The following FAM204A variants were observed in gnomAD, a reference collection of about 807,000 sequenced individuals.
FAM204A encodes protein FAM204A.
In FAM204A, 16 loss-of-function variants were observed where a neutral mutation model predicts 35.4. That is an observed-to-expected ratio of 0.45 (90% CI 0.31 to 0.69). FAM204A has a LOEUF of 0.69. Ranked by LOEUF, FAM204A falls within the 30% of genes least tolerant of loss-of-function variation. The pLI is 0.07. For synonymous variants in FAM204A, 76 were observed against 86.9 expected (o/e 0.88, Z 0.70); for missense variants, 240 against 265.7 (o/e 0.90, Z 0.67).
intron 6 of FAM204A, among the ~76,000 whole-genome samples, chr10:118,327,652 A>G (rs1029386123): frequency 1.3e-5 from 2 of 152,240 alleles, no homozygotes; most frequent in Non-Finnish European, 2.9e-5. Context: ...GATGCACTTC[A>G]GAAATCTATA....
At chr10:118,332,621 A>C (rs1391196519) in intron 6 of FAM204A, among the ~76,000 whole-genome samples, 2 of 152,110 alleles carry the variant, frequency 1.3e-5, no homozygotes, top group African/African-American at 4.8e-5. Flanking sequence ...AGAACCATGT[A>C]AGAGTCTGTT....
chr10:118,331,247 A>G (rs1264240424), intron 6 of FAM204A, among the ~76,000 whole-genome samples: 5 of 152,166 alleles, frequency 3.3e-5, no homozygotes, highest in Non-Finnish European at 7.3e-5. Context: ...TATTTGACTT[A>G]TCTAGAATGT....
At chr10:118,334,251 C>T (rs1052518189) in intron 6 of FAM204A, among the ~76,000 whole-genome samples, 1 of 152,110 alleles carries the variant, frequency 6.6e-6, no homozygotes, top group Non-Finnish European at 1.5e-5. Flanking sequence ...CCTTTCCCTT[C>T]CCCAAATTTC....
intron 6 of FAM204A, among the ~76,000 whole-genome samples, chr10:118,332,173 G>GAAAAAAAAAAAAA (rs59564428): frequency 0.58 from 30,999 of 53,706 alleles, 12,781 homozygotes; most frequent in Middle Eastern, 0.75. Context: ...CTCTGTTTCA[G>GAAAAAAAAAAAAA]AAAAAAAAAA....
At chr10:118,324,690 G>A (rs546974543) in intron 7 of FAM204A, among the ~76,000 whole-genome samples, 1 of 152,244 alleles carries the variant, frequency 6.6e-6, no homozygotes, top group East Asian at 1.9e-4. Flanking sequence ...GTGGAGGGGA[G>A]AATGGGTACA....
chr10:118,328,224 A>T (rs190332132), intron 6 of FAM204A, among the ~76,000 whole-genome samples: 1 of 152,128 alleles, frequency 6.6e-6, no homozygotes, highest in African/African-American at 2.4e-5. Flanking sequence ...CTTTCTACCT[A>T]ATTCATCTGC....
intron 7 of FAM204A, 148 bp downstream of exon 7, chr10:118,326,006 A>G (rs970888183): frequency 1.6e-6 from 1 of 607,318 alleles, no homozygotes; most frequent in African/African-American, 1.9e-5. Flanking sequence ...TTCAAAATAA[A>G]TGACAGAATA....
In FAM204A at chr10:118,335,096, C is replaced by A. The variant is rs1278890809; in HGVS notation, c.453+18G>T. The A allele has an allele frequency of 1.3e-6, 2 of 1,545,894 alleles. No homozygotes were observed. Among genetic ancestry groups the A allele is most frequent in the Non-Finnish European group, 8.9e-7 (1 of 1,120,056 alleles). ...ATATCCTACTAGCTGGTATAAGATG[C>A]AATAACAAAGATATTACCTTCTCAA... On this transcript the variant is annotated intron_variant, in intron 6 of 8. Coordinates refer to ENST00000369183, the MANE Select transcript of FAM204A (RefSeq NM_022063.3).
Position 118,335,189 on chromosome 10 carries a change from C to G in FAM204A, c.378G>C (p.Gln126His), listed in dbSNP as rs763990735. The G allele has an allele frequency of 6.2e-7, 1 of 1,613,464 alleles. No homozygotes were observed. ...LHSEPSSNETQWKELTQYFGV... is the reference protein window; with the variant it reads ...LHSEPSSNETHWKELTQYFGV... The stretch of plus-strand genomic sequence containing the variant: ...CAAAATACTGAGTAAGCTCTTTCCA[C>G]TGGGTTTCATTTGAGGACGGTTCAC... Residue 126 changes from glutamine to histidine, a missense_variant, in exon 6 of 9, where the codon CAG (glutamine) becomes CAC (histidine). Coordinates refer to ENST00000369183, the MANE Select transcript of FAM204A (RefSeq NM_022063.3).
chr10:118,313,550 T>C (rs924268972), intron 7 of FAM204A, among the ~76,000 whole-genome samples: 1 of 152,210 alleles, frequency 6.6e-6, no homozygotes, highest in African/African-American at 2.4e-5. Context: ...CATAGCTGGC[T>C]ACTTGTGTTT....
chr10:118,338,772 G>C (rs1054845410), intron 2 of FAM204A, among the ~76,000 whole-genome samples: 2 of 152,170 alleles, frequency 1.3e-5, no homozygotes, highest in Non-Finnish European at 2.9e-5. Flanking sequence ...CACTGTTTTA[G>C]CATCTCTGCA....
chr10:118,340,371 A>C (rs1051823938), intron 2 of FAM204A, among the ~76,000 whole-genome samples: 2 of 152,228 alleles, frequency 1.3e-5, no homozygotes, highest in Admixed American at 1.3e-4. Flanking sequence ...AATTAGGAGA[A>C]AGCCACTGCA....
intron 3 of FAM204A, 138 bp downstream of exon 3, chr10:118,336,044 G>C (rs1589730867): frequency 2.0e-6 from 2 of 983,132 alleles, no homozygotes; most frequent in Non-Finnish European, 2.9e-6. Flanking sequence ...ATGCCTCAGA[G>C]AACAGTAAAA....
chr10:118,321,681 A>G (rs920186878), intron 7 of FAM204A, among the ~76,000 whole-genome samples: 3 of 144,880 alleles, frequency 2.1e-5, no homozygotes, highest in Non-Finnish European at 4.5e-5. Flanking sequence ...ACATCTAGTC[A>G]GTATCATACA....
intron 6 of FAM204A, among the ~76,000 whole-genome samples, 154 bp downstream of exon 6, chr10:118,334,960 A>G (rs1407734395): frequency 6.6e-6 from 1 of 152,206 alleles, no homozygotes; most frequent in Non-Finnish European, 1.5e-5. Flanking sequence ...TTTTTTAATA[A>G]TTTGTAACTA....
chr10:118,305,657 T>C lies in FAM204A; in HGVS notation c.*5200A>G, dbSNP rs188585475. ...TATTCAGCAAAGAAAAACTCACTGA[T>C]TTTCTAATAGCCCGCCTGAAAATGG... is the stretch of plus-strand genomic sequence containing the variant. On this transcript the variant is annotated 3_prime_UTR_variant, in exon 9 of 9. Coordinates refer to ENST00000369183, the MANE Select transcript of FAM204A (RefSeq NM_022063.3). The C allele has an allele frequency of 1.3e-5, 2 of 152,372 alleles. No homozygotes were observed. The allele number at this position is 152,372 out of a possible 1,614,324, so 9.4% of individuals were successfully genotyped here. A position where few individuals can be genotyped will look rare whatever the true frequency, so the allele number is the denominator to read the frequency against.
chr10:118,319,158 T>A (rs1432734171), intron 7 of FAM204A, among the ~76,000 whole-genome samples: 1 of 152,034 alleles, frequency 6.6e-6, no homozygotes, highest in Admixed American at 6.6e-5. Context: ...CAGATGTTAA[T>A]ATAAAACGAA....
At position 118,298,495 on chromosome 10, in the gene FAM204A, T is replaced by A. The variant is rs995173721; in HGVS notation, c.*12362A>T. 1 of 152,232 alleles carries A rather than the reference T, an allele frequency of 6.6e-6. No individual in the cohort carries two copies. Among genetic ancestry groups the A allele is most frequent in the East Asian group, 1.9e-4 (1 of 5,200 alleles). 9.4% of individuals were successfully genotyped at this position (152,232 alleles called of 1,614,324 possible). ...CTTGCATAAACAGGTGTTATTTCCA[T>A]GTACTTTTGCTCAGGTTCTTTGGAT... On this transcript the variant is annotated 3_prime_UTR_variant, in exon 9 of 9. Transcript: ENST00000369183.
At position 118,303,739 on chromosome 10, in the gene FAM204A, G is replaced by C. The variant is rs548491179; in HGVS notation, c.*7118C>G. On this transcript the variant is annotated 3_prime_UTR_variant, in exon 9 of 9. Transcript: ENST00000369183. ...AGGCAGGAGAATTGCTTGAACCTGG[G>C]AAGCAGAGGTTGAAGTGAGCTGAGA... 1.1e-4 allele frequency: 17 copies of C among 152,518 alleles called. No homozygotes were observed. The highest frequency in any genetic ancestry group is 3.9e-4 in the African/African-American group (16 of 41,518). 9.4% of individuals were successfully genotyped at this position (152,518 alleles called of 1,614,324 possible). A position where few individuals can be genotyped will look rare whatever the true frequency, so the allele number is the denominator to read the frequency against.
Sources: gnomAD v4.1 joint callset for allele counts (sites outside exome capture counted in the v4.1 genomes callset) on GRCh38, gnomAD v4.1.1 for gene constraint, MANE v1.5 for transcripts, NCBI Gene and HGNC (gene_info 2026-07-23, HGNC 2026-07-21) for gene names.